Variants in ALDH9A1 observed in about 807,000 individuals in gnomAD.
The protein encoded by ALDH9A1 is 4-trimethylaminobutyraldehyde dehydrogenase.
ALDH9A1 carries 42 observed loss-of-function variants against 56.6 expected under a neutral mutation model. That is an observed-to-expected ratio of 0.74 (90% CI 0.58 to 0.96). The LOEUF is 0.96. Among genes scored for constraint, ALDH9A1 ranks in the 40% least tolerant of loss-of-function variants. The probability of loss-of-function intolerance (pLI) is 0.00; values close to 1 mark genes in which losing one functional copy is unlikely to be tolerated. For missense variants in ALDH9A1, 661 were observed against 651.5 expected (o/e 1.01, Z -0.16); for synonymous variants, 242 against 236.0 (o/e 1.03, Z -0.23).
At chr1:165,665,320 T>C in intron 9 of ALDH9A1, 190 bp from the exon 10 acceptor site, 1 of 543,874 alleles carries the variant, frequency 1.8e-6, no homozygotes, top group African/African-American at 1.9e-5. Flanking sequence ...ATGCACATGG[T>C]ATCTTTAAAA....
At chr1:165,667,498 G>GCAC in intron 8 of ALDH9A1, 48 bp from the exon 9 acceptor site, 3 of 1,597,908 alleles carry the variant, frequency 1.9e-6, no homozygotes, top group Non-Finnish European at 2.6e-6. Flanking sequence ...ACCACAGTGT[G>GCAC]CACCACCACC....
rs189163399 is a variant in ALDH9A1 at position 165,679,752 on chromosome 1, T to C, written c.790-170A>G. ...ATTAAAATATTCTATTCCAGAAAAC[T>C]GAAGAGAATCCACAGAGTTGCACTG... is the stretch of plus-strand genomic sequence containing the variant. On this transcript the variant is annotated intron_variant, in intron 5 of 10. Transcript: ENST00000354775. Among the ~76,000 whole-genome samples, 240 of 152,328 alleles carry C rather than the reference T, an allele frequency of 1.6e-3. 2 individuals carry two copies. Among genetic ancestry groups the C allele is most frequent in the African/African-American group, 5.6e-3 (232 of 41,580 alleles).
chr1:165,688,444 C>T (rs572753079), intron 2 of ALDH9A1, among the ~76,000 whole-genome samples: 1 of 152,092 alleles, frequency 6.6e-6, no homozygotes, highest in Non-Finnish European at 1.5e-5. Flanking sequence ...AATATGTGGA[C>T]AAATGTGAAA....
At chr1:165,689,737 G>A (rs899151184) in intron 2 of ALDH9A1, among the ~76,000 whole-genome samples, 6 of 151,864 alleles carry the variant, frequency 4.0e-5, no homozygotes, top group Admixed American at 2.6e-4. Flanking sequence ...AGTTTGAGAC[G>A]AGCCTGGCCA....
intron 4 of ALDH9A1, 45 bp from the exon 5 acceptor site, chr1:165,680,728 A>G (rs549579859): frequency 6.5e-7 from 1 of 1,529,730 alleles, no homozygotes; most frequent in African/African-American, 1.4e-5. Flanking sequence ...TTCTAAGACC[A>G]GTGATCCCCT....
At chr1:165,672,773 C>T (rs964220509) in intron 6 of ALDH9A1, among the ~76,000 whole-genome samples, 15 of 151,574 alleles carry the variant, frequency 9.9e-5, no homozygotes, top group Admixed American at 5.3e-4. Flanking sequence ...CTCATCTCTA[C>T]AAAAAATACA....
chr1:165,680,754 G>A, intron 4 of ALDH9A1, 71 bp from the exon 5 acceptor site: 1 of 1,389,240 alleles, frequency 7.2e-7, no homozygotes, highest in Non-Finnish European at 9.8e-7. Flanking sequence ...CAGGACTAGA[G>A]GACAATTCAA....
intron 2 of ALDH9A1, among the ~76,000 whole-genome samples, chr1:165,686,052 G>A (rs1490389141): frequency 6.6e-6 from 1 of 151,966 alleles, no homozygotes; most frequent in Non-Finnish European, 1.5e-5. Context: ...AGAAAATATG[G>A]AAAAAAATGT....
intron 6 of ALDH9A1, among the ~76,000 whole-genome samples, chr1:165,674,057 C>T (rs952478238): frequency 6.6e-6 from 1 of 152,078 alleles, no homozygotes; most frequent in Non-Finnish European, 1.5e-5. Context: ...GTCGTCATTG[C>T]TGCTCATTAT....
At position 165,679,612 on chromosome 1, in the gene ALDH9A1, C is replaced by CT. The variant is rs757394990; in HGVS notation, c.790-31dup. 5.0e-6 allele frequency: 8 copies of CT among 1,613,324 alleles called. No individual in the cohort carries two copies. In the African/African-American group the frequency reaches 1.1e-4, roughly 22 times the overall value. On this transcript the variant is annotated intron_variant, in intron 5 of 10. Transcript: ENST00000354775. ...CAGAACAAGGACAAGGTATTCAGAA[C>CT]TTTAACACAAATTATATTGCATGCT...
At chr1:165,670,263 T>C (rs1352849893) in intron 6 of ALDH9A1, among the ~76,000 whole-genome samples, 2 of 151,990 alleles carry the variant, frequency 1.3e-5, no homozygotes, top group African/African-American at 4.8e-5. Context: ...TGAAACCCCA[T>C]CTCTACAAAA....
At chr1:165,680,399 G>A in intron 5 of ALDH9A1, 88 bp downstream of exon 5, 1 of 1,403,916 alleles carries the variant, frequency 7.1e-7, no homozygotes, top group Non-Finnish European at 9.8e-7. Flanking sequence ...AAAATCAAAA[G>A]AGAAGCCTCC....
At chr1:165,671,285 T>C in intron 6 of ALDH9A1, 1 of 294,918 alleles carries the variant, frequency 3.4e-6, no homozygotes, top group Non-Finnish European at 6.8e-6. Flanking sequence ...CTGGGAAGGG[T>C]CTGTCTCAGT....
chr1:165,698,529 G>C lies in ALDH9A1; in HGVS notation c.30C>G (p.Leu10=), dbSNP rs1486643531. Residue 10 remains leucine, a synonymous_variant, in exon 1 of 11, where the codon CTC becomes CTG. Coordinates refer to ENST00000354775, the MANE Select transcript of ALDH9A1 (RefSeq NM_000696.4). MFLRAGLAA[L]SPLLRSLRPS... The stretch of plus-strand genomic sequence containing the variant: ...GCCGAAGACTGCGAAGAAGCGGGGA[G>C]AGCGCGGCCAGGCCTGCTCGGAGAA... 3.1e-6 allele frequency: 5 copies of C among 1,610,222 alleles called. No homozygotes were observed. Among genetic ancestry groups the C allele is most frequent in the South Asian group, 2.2e-5 (2 of 90,694 alleles).
intron 6 of ALDH9A1, among the ~76,000 whole-genome samples, chr1:165,675,989 G>A (rs1183368573): frequency 6.6e-6 from 1 of 152,202 alleles, no homozygotes; most frequent in Non-Finnish European, 1.5e-5. Flanking sequence ...GATAATGGGA[G>A]TCAAATTTCT....
chr1:165,680,864 C>T (rs144780644), intron 4 of ALDH9A1, among the ~76,000 whole-genome samples, 181 bp from the exon 5 acceptor site: 1 of 152,122 alleles, frequency 6.6e-6, no homozygotes, highest in African/African-American at 2.4e-5. Context: ...TAAAGACATA[C>T]CCGAAACTGG....
intron 6 of ALDH9A1, among the ~76,000 whole-genome samples, chr1:165,673,013 AC>A (rs1649230902): frequency 1.4e-5 from 2 of 142,296 alleles, no homozygotes; most frequent in African/African-American, 5.2e-5. Flanking sequence ...ACACACACAC[AC>A]GGTTAAATTG....
intron 2 of ALDH9A1, among the ~76,000 whole-genome samples, chr1:165,689,709 G>C (rs188677858): frequency 8.5e-4 from 129 of 152,124 alleles, no homozygotes; most frequent in African/African-American, 2.9e-3. Flanking sequence ...CAAGGCAGGC[G>C]GATCACCTAA....
intron 8 of ALDH9A1, chr1:165,668,679 T>G: frequency 2.9e-6 from 1 of 340,198 alleles, no homozygotes; most frequent in Non-Finnish European, 5.3e-6. Context: ...TTTCATATTT[T>G]TGAGCTCCTT....
Sources: gnomAD v4.1 joint callset for allele counts (sites outside exome capture counted in the v4.1 genomes callset) on GRCh38, gnomAD v4.1.1 for gene constraint, MANE v1.5 for transcripts, NCBI Gene and HGNC (gene_info 2026-07-23, HGNC 2026-07-21) for gene names.